CAMK2D: variants seen among roughly 807,000 people sequenced by gnomAD.
CAMK2D encodes the protein calcium/calmodulin-dependent protein kinase type II subunit delta.
Under a neutral mutation model 84.0 loss-of-function variants are expected in CAMK2D, and 37 were observed. That is an observed-to-expected ratio of 0.44 (90% confidence interval 0.34 to 0.58). The LOEUF (loss-of-function observed/expected upper bound fraction) is 0.58, where lower values mean the gene tolerates loss of function less well. CAMK2D is among the 20% of genes least tolerant of loss of function. The pLI is 0.02. For synonymous variants in CAMK2D, 202 were observed against 212.5 expected (o/e 0.95, Z 0.43); for missense variants, 448 against 652.5 (o/e 0.69, Z 3.41).
At chr4:113,515,011 T>C (rs1234677589) in intron 10 of CAMK2D, 58 bp downstream of exon 10, 2 of 1,474,960 alleles carry the variant, frequency 1.4e-6, no homozygotes, top group East Asian at 2.3e-5. Flanking sequence ...AAACAATATA[T>C]TAAAGGAGAG....
chr4:113,613,304 T>G (rs7670810), intron 3 of CAMK2D, among the ~76,000 whole-genome samples: 1 of 151,892 alleles, frequency 6.6e-6, no homozygotes, highest in Non-Finnish European at 1.5e-5. Flanking sequence ...AAATGTAGAG[T>G]TGGATGATTC....
chr4:113,718,643 G>T (rs1162059510), intron 2 of CAMK2D, among the ~76,000 whole-genome samples: 1 of 152,292 alleles, frequency 6.6e-6, no homozygotes, highest in East Asian at 1.9e-4. Context: ...GCAGGGAAGG[G>T]TTTTGTTTGG....
At position 113,504,958 on chromosome 4, in the gene CAMK2D, CAA is replaced by C. The variant is rs1217557337; in HGVS notation, c.1044+16_1044+17del. 4.8e-6 allele frequency: 7 copies of C among 1,465,004 alleles called. No individual in the cohort carries two copies. Among genetic ancestry groups the C allele is most frequent in the Non-Finnish European group, 6.4e-6 (7 of 1,098,812 alleles). The allele number at this position is 1,465,004 out of a possible 1,614,324, so 90.8% of individuals were successfully genotyped here. On this transcript the variant is annotated intron_variant, in intron 14 of 20. Coordinates refer to ENST00000511664, the MANE Select transcript of CAMK2D (RefSeq NM_001321571.2). Reference sequence around the variant, plus strand: ...AATGTAAAGAACTTAAGAAGGGTTACAAAGAGTCCAGGTATACCAGCGCTGGG... The same window carrying C: ...AATGTAAAGAACTTAAGAAGGGTTACAGAGTCCAGGTATACCAGCGCTGGG...
intron 9 of CAMK2D, among the ~76,000 whole-genome samples, chr4:113,515,992 T>A (rs1310901221): frequency 6.6e-6 from 1 of 152,210 alleles, no homozygotes; most frequent in East Asian, 1.9e-4. Flanking sequence ...AATACTGTCC[T>A]TCAACGATGA....
intron 2 of CAMK2D, among the ~76,000 whole-genome samples, chr4:113,709,782 T>TATATATATATAA (rs1561971636): frequency 2.4e-5 from 3 of 127,274 alleles, no homozygotes; most frequent in Non-Finnish European, 3.3e-5. Flanking sequence ...TATATATATA[T>TATATATATATAA]GAGAGACTTC....
At position 113,522,630 on chromosome 4, in the gene CAMK2D, G is replaced by A. The variant is rs916784818; in HGVS notation, c.602-4973C>T. On this transcript the variant is annotated intron_variant, in intron 8 of 20. Coordinates refer to ENST00000511664, the MANE Select transcript of CAMK2D (RefSeq NM_001321571.2). ...AAGGCCTGCACCTGTACTGTGTATGGGGTGGGGTGGTCACCAGGGCGGCAG... is the reference window on the plus strand; with the variant it reads ...AAGGCCTGCACCTGTACTGTGTATGAGGTGGGGTGGTCACCAGGGCGGCAG... 5.3e-5 allele frequency among the ~76,000 whole-genome samples: 8 copies of A among 152,150 alleles called. No individual in the cohort carries two copies. In the South Asian group the frequency reaches 1.7e-3, roughly 32 times the overall value.
intron 4 of CAMK2D, among the ~76,000 whole-genome samples, chr4:113,588,055 AAAAAGCAAAC>A (rs780916575): frequency 1.3e-5 from 2 of 152,282 alleles, no homozygotes; most frequent in Non-Finnish European, 2.9e-5. Context: ...TAAGAGATTA[AAAAAGCAAAC>A]AAAAGAGTCT....
chr4:113,707,896 C>T (rs2099466859), intron 2 of CAMK2D, among the ~76,000 whole-genome samples: 1 of 152,174 alleles, frequency 6.6e-6, no homozygotes, highest in Admixed American at 6.5e-5. Flanking sequence ...CATAAAGCAT[C>T]TGATACCAAT....
At chr4:113,721,641 C>T (rs1022463246) in intron 2 of CAMK2D, among the ~76,000 whole-genome samples, 2 of 152,156 alleles carry the variant, frequency 1.3e-5, no homozygotes, top group African/African-American at 4.8e-5. Context: ...TGTGATTCAA[C>T]AGATACACAA....
intron 4 of CAMK2D, among the ~76,000 whole-genome samples, chr4:113,606,799 A>C (rs912428654): frequency 6.6e-6 from 1 of 152,166 alleles, no homozygotes; most frequent in Non-Finnish European, 1.5e-5. Context: ...CAAATAAGTA[A>C]ACTCCAAAAA....
chr4:113,701,718 G>GT (rs772265964), intron 2 of CAMK2D, among the ~76,000 whole-genome samples: 146 of 150,948 alleles, frequency 9.7e-4, no homozygotes, highest in East Asian at 7.8e-3. Context: ...TTGTTGTTTT[G>GT]TTTTTTTTTG....
chr4:113,704,414 A>C (rs1396861261), intron 2 of CAMK2D, among the ~76,000 whole-genome samples: 3 of 151,920 alleles, frequency 2.0e-5, no homozygotes, highest in Admixed American at 1.3e-4. Flanking sequence ...AATTTTCCTC[A>C]CTAGCAATTT....
At chr4:113,738,129 T>C (rs1278828630) in intron 2 of CAMK2D, among the ~76,000 whole-genome samples, 2 of 150,766 alleles carry the variant, frequency 1.3e-5, no homozygotes, top group East Asian at 3.9e-4. Flanking sequence ...TCCAATTCTC[T>C]ATAAAAGAAG....
intron 2 of CAMK2D, among the ~76,000 whole-genome samples, chr4:113,717,460 T>C (rs1417310942): frequency 6.6e-6 from 1 of 152,130 alleles, no homozygotes; most frequent in Non-Finnish European, 1.5e-5. Context: ...ATTGAATTCT[T>C]AAAAAATTCC....
intron 2 of CAMK2D, among the ~76,000 whole-genome samples, chr4:113,677,342 T>C (rs1366504936): frequency 1.3e-5 from 2 of 152,002 alleles, no homozygotes; most frequent in Non-Finnish European, 2.9e-5. Context: ...TCTATGTTGA[T>C]TTTTTTTGTT....
rs750113627 is a variant in CAMK2D, at chr4:113,512,157, C to CA, written c.946+1170dup. Among the ~76,000 whole-genome samples the CA allele has an allele frequency of 8.0e-4, 122 of 152,266 alleles. 1 individual carries two copies. The highest frequency in any genetic ancestry group is 1.6e-3 in the Non-Finnish European group (108 of 68,022). ...CCAAGTCTAAAGGGCCAAAGGTTAC[C>CA]AAGTGCGGCTTAATTGCTGCTCCAG... On this transcript the variant is annotated intron_variant, in intron 12 of 20. Transcript: ENST00000511664.
At chr4:113,521,961 T>C (rs1396487969) in intron 8 of CAMK2D, among the ~76,000 whole-genome samples, 1 of 152,164 alleles carries the variant, frequency 6.6e-6, no homozygotes, top group Non-Finnish European at 1.5e-5. Flanking sequence ...TTTGATAGAG[T>C]TGGTTCCATA....
intron 3 of CAMK2D, among the ~76,000 whole-genome samples, chr4:113,639,471 A>G (rs1238436847): frequency 6.6e-6 from 1 of 152,140 alleles, no homozygotes; most frequent in African/African-American, 2.4e-5. Flanking sequence ...AGCCACTACT[A>G]GCCTGCATAG....
At chr4:113,462,280 GTGTGTGTGTGTGTGTCTGTCTGTC>G (rs1381296743) in intron 17 of CAMK2D, among the ~76,000 whole-genome samples, 238 of 87,888 alleles carry the variant, frequency 2.7e-3, no homozygotes, top group African/African-American at 4.2e-3. Context: ...GTGTGTGTGT[GTGTGTGTGTGTGTGTCTGTCTGTC>G]TGTCTGTCTG....
Sources: gnomAD v4.1 joint callset for allele counts (sites outside exome capture counted in the v4.1 genomes callset) on GRCh38, gnomAD v4.1.1 for gene constraint, MANE v1.5 for transcripts, NCBI Gene and HGNC (gene_info 2026-07-23, HGNC 2026-07-21) for gene names.